Variants in GPC5 observed in about 807,000 individuals in gnomAD.
GPC5 encodes glypican 5.
Under a neutral mutation model 53.9 loss-of-function variants are expected in GPC5, and 47 were observed. The ratio of observed to expected loss-of-function variants is 0.87; its 90% confidence interval spans 0.69 to 1.11. GPC5 has a LOEUF of 1.11. GPC5 is among the 50% of genes most tolerant of loss of function. The probability of loss-of-function intolerance (pLI) is 0.00; values close to 1 mark genes in which losing one functional copy is unlikely to be tolerated. For synonymous variants in GPC5, 286 were observed against 263.3 expected, an observed-to-expected ratio of 1.09 and a Z score of -0.84; for missense variants, 748 against 713.1, an observed-to-expected ratio of 1.05 and a Z score of -0.56.
intron 6 of GPC5, among the ~76,000 whole-genome samples, chr13:91,933,931 C>T (rs2039845959): frequency 6.6e-6 from 1 of 151,766 alleles, no homozygotes; most frequent in Non-Finnish European, 1.5e-5. Flanking sequence ...GTATATGATG[C>T]ATCATAGTTT....
chr13:91,674,125 T>C (rs1407900168), intron 2 of GPC5, among the ~76,000 whole-genome samples: 1 of 152,182 alleles, frequency 6.6e-6, no homozygotes, highest in Non-Finnish European at 1.5e-5. Context: ...TCAAGTTTCA[T>C]GCATCAAGTA....
chr13:92,022,974 CTAAGATACTGT>C (rs1350410548), intron 6 of GPC5, among the ~76,000 whole-genome samples: 1 of 151,656 alleles, frequency 6.6e-6, no homozygotes, highest in Non-Finnish European at 1.5e-5. Context: ...CTATATTTTC[CTAAGATACTGT>C]TCTGTGTGTT....
intron 7 of GPC5, among the ~76,000 whole-genome samples, chr13:92,549,886 C>CAT (rs1289133066): frequency 1.0e-5 from 1 of 98,152 alleles, no homozygotes; most frequent in Non-Finnish European, 2.0e-5. Flanking sequence ...CACACACATA[C>CAT]ACACACACAC....
intron 2 of GPC5, among the ~76,000 whole-genome samples, chr13:91,607,858 G>A (rs1196442252): frequency 6.6e-6 from 1 of 152,204 alleles, no homozygotes; most frequent in African/African-American, 2.4e-5. Context: ...GGTGGAAGAA[G>A]TAGTGAGGTG....
At chr13:92,421,768 A>G (rs1163550498) in intron 7 of GPC5, among the ~76,000 whole-genome samples, 2 of 151,108 alleles carry the variant, frequency 1.3e-5, no homozygotes, top group African/African-American at 4.9e-5. Flanking sequence ...GGGAAGCCTC[A>G]GGGAGCTTTT....
intron 7 of GPC5, among the ~76,000 whole-genome samples, chr13:92,798,815 G>A (rs996252621): frequency 2.0e-5 from 3 of 151,818 alleles, no homozygotes; most frequent in African/African-American, 4.8e-5. Flanking sequence ...ACTCAAAATT[G>A]TAAGTCACGT....
chr13:91,527,912 G>A (rs1886162467), intron 2 of GPC5, among the ~76,000 whole-genome samples: 2 of 152,186 alleles, frequency 1.3e-5, no homozygotes, highest in Admixed American at 1.3e-4. Flanking sequence ...TGGAGGGGCT[G>A]GGAGGCAGGG....
At chr13:91,436,824 G>A (rs1262154342) in intron 1 of GPC5, among the ~76,000 whole-genome samples, 1 of 152,124 alleles carries the variant, frequency 6.6e-6, no homozygotes, top group South Asian at 2.1e-4. Context: ...GAGAGTCTAA[G>A]TCTCTTTCTA....
intron 7 of GPC5, among the ~76,000 whole-genome samples, chr13:92,513,714 A>C (rs1047365672): frequency 1.3e-5 from 2 of 152,146 alleles, no homozygotes; most frequent in African/African-American, 2.4e-5. Flanking sequence ...GAATGTGTGC[A>C]TATGCATAAA....
chr13:92,411,343 C>T (rs1876035437), intron 7 of GPC5, among the ~76,000 whole-genome samples: 1 of 152,134 alleles, frequency 6.6e-6, no homozygotes, highest in African/African-American at 2.4e-5. Context: ...TTATACATGA[C>T]CAATTGGTCT....
chr13:91,552,350 G>T (rs561613981), intron 2 of GPC5, among the ~76,000 whole-genome samples: 2 of 151,974 alleles, frequency 1.3e-5, no homozygotes, highest in African/African-American at 2.4e-5. Context: ...TATATCTAAC[G>T]TGTAAGGAAT....
intron 7 of GPC5, among the ~76,000 whole-genome samples, chr13:92,392,653 A>G (rs150159389): frequency 6.6e-6 from 1 of 152,328 alleles, no homozygotes; most frequent in African/African-American, 2.4e-5. Flanking sequence ...CAAACTATGC[A>G]TCTGACAAGG....
At chr13:91,792,691 G>T (rs1229228665) in intron 5 of GPC5, among the ~76,000 whole-genome samples, 3 of 152,194 alleles carry the variant, frequency 2.0e-5, no homozygotes, top group Admixed American at 1.3e-4. Context: ...GGTTAGGTCA[G>T]CTGTTTCTAA....
chr13:92,152,850 C>A (rs1320406115), intron 7 of GPC5, among the ~76,000 whole-genome samples: 1 of 152,146 alleles, frequency 6.6e-6, no homozygotes, highest in African/African-American at 2.4e-5. Context: ...ACCTAACCCT[C>A]CACCGAGTCC....
At position 92,533,692 on chromosome 13, in the gene GPC5, T is replaced by G. The variant is rs374688156; in HGVS notation, c.1562-332590T>G. On this transcript the variant is annotated intron_variant, in intron 7 of 7. Transcript: ENST00000377067. ...AAAAGATCTCATTGGTAGGTTTTCA[T>G]CAGAAGAAATACATTCTGGTATCAA... is the stretch of plus-strand genomic sequence containing the variant. Among the ~76,000 whole-genome samples the G allele has an allele frequency of 3.0e-4, 45 of 152,196 alleles. 1 individual carries two copies. In the South Asian group the frequency reaches 8.9e-3, roughly 30 times the overall value.
intron 2 of GPC5, among the ~76,000 whole-genome samples, chr13:91,516,975 C>A (rs1025417241): frequency 2.0e-5 from 3 of 152,154 alleles, no homozygotes; most frequent in African/African-American, 7.2e-5. Flanking sequence ...GGCACTAAGT[C>A]TCTAGGCTGC....
chr13:91,920,855 A>G (rs1326424049), intron 6 of GPC5, among the ~76,000 whole-genome samples: 1 of 150,202 alleles, frequency 6.7e-6, no homozygotes, highest in Admixed American at 6.6e-5. Flanking sequence ...GGTAGATTCA[A>G]TAGATTTCAG....
chr13:92,275,898 T>C (rs2042871800), intron 7 of GPC5, among the ~76,000 whole-genome samples: 1 of 152,154 alleles, frequency 6.6e-6, no homozygotes, highest in South Asian at 2.1e-4. Context: ...TGCAATTCTT[T>C]GTTGGGGGTA....
intron 2 of GPC5, among the ~76,000 whole-genome samples, chr13:91,603,868 T>G (rs1772609617): frequency 6.6e-6 from 1 of 152,154 alleles, no homozygotes; most frequent in African/African-American, 2.4e-5. Flanking sequence ...TCTTTCTTCC[T>G]CTTTTTTCCT....
Sources: allele counts gnomAD v4.1 joint callset (sites outside exome capture counted in the v4.1 genomes callset), GRCh38; gene constraint gnomAD v4.1.1; transcripts MANE v1.5; gene names NCBI Gene and HGNC (gene_info 2026-07-23, HGNC 2026-07-21).